AIG1: variants seen among roughly 807,000 people sequenced by gnomAD.
AIG1 encodes the protein androgen-induced gene 1 protein.
Under a neutral mutation model 31.4 loss-of-function variants are expected in AIG1, and 23 were observed. The ratio of observed to expected loss-of-function variants is 0.73; its 90% CI spans 0.53 to 1.04. The LOEUF is 1.04. Among genes scored for constraint, AIG1 ranks in the 50% least tolerant of loss-of-function variants. The probability of loss-of-function intolerance (pLI) is 0.00; values close to 1 mark genes in which losing one functional copy is unlikely to be tolerated. For synonymous variants in AIG1, 100 were observed against 110.5 expected, an observed-to-expected ratio of 0.90 and a Z score of 0.60; for missense variants, 274 against 295.0, an observed-to-expected ratio of 0.93 and a Z score of 0.52.
chr6:143,324,395 T>C (rs1006367994), intron 4 of AIG1, among the ~76,000 whole-genome samples: 2 of 152,228 alleles, frequency 1.3e-5, no homozygotes, highest in Non-Finnish European at 2.9e-5. Context: ...TGAATTACTT[T>C]TATAGTCAGT....
At chr6:143,302,616 A>G (rs1219514741) in intron 4 of AIG1, among the ~76,000 whole-genome samples, 171 of 152,126 alleles carry the variant, frequency 1.1e-3, no homozygotes, top group Non-Finnish European at 1.9e-3. Context: ...TCTTAATCCA[A>G]TCTATCATTG....
chr6:143,213,002 G>A (rs1791708871), intron 3 of AIG1, among the ~76,000 whole-genome samples: 1 of 152,148 alleles, frequency 6.6e-6, no homozygotes, highest in Non-Finnish European at 1.5e-5. Context: ...GACATCTCTG[G>A]ATCAACTTCT....
chr6:143,315,607 G>T (rs1389303234), intron 4 of AIG1, among the ~76,000 whole-genome samples: 1 of 152,076 alleles, frequency 6.6e-6, no homozygotes, highest in Non-Finnish European at 1.5e-5. Context: ...TGCAGCAATT[G>T]GAAGTCCATA....
At chr6:143,187,646 T>A (rs1389271722) in intron 3 of AIG1, 8 of 1,535,948 alleles carry the variant, frequency 5.2e-6, no homozygotes, top group Non-Finnish European at 7.0e-6. Flanking sequence ...AAGCTTAAAG[T>A]TTTCTTGGCA....
chr6:143,144,808 C>A (rs953415186), intron 2 of AIG1, among the ~76,000 whole-genome samples: 1 of 152,130 alleles, frequency 6.6e-6, no homozygotes, highest in Non-Finnish European at 1.5e-5. Flanking sequence ...TGTGTAGTGT[C>A]TATCTTCTCT....
chr6:143,107,275 A>C (rs1180006895), intron 1 of AIG1, among the ~76,000 whole-genome samples: 1 of 152,202 alleles, frequency 6.6e-6, no homozygotes. Context: ...AAATTACTTA[A>C]TTTTCACACA....
At chr6:143,194,446 C>G (rs889072726) in intron 3 of AIG1, among the ~76,000 whole-genome samples, 1 of 152,190 alleles carries the variant, frequency 6.6e-6, no homozygotes, top group Non-Finnish European at 1.5e-5. Context: ...GGTGGGGACA[C>G]AGAGCCAAAC....
rs548846023 is a variant in AIG1, at chr6:143,302,674, G to A, written c.515+18449G>A. ...AGTCTTTGCTATTGTGAATAGTGCC[G>A]CAATAAACATACGTGTGCATGTGTC... On this transcript the variant is annotated intron_variant, in intron 4 of 5. Coordinates refer to ENST00000357847, the MANE Select transcript of AIG1 (RefSeq NM_016108.4). Among the ~76,000 whole-genome samples the A allele has an allele frequency of 1.3e-4, 20 of 152,156 alleles. No homozygotes were observed. In the East Asian group the frequency reaches 1.4e-3, roughly 10 times the overall value.
chr6:143,113,047 G>A (rs973557140), intron 1 of AIG1, among the ~76,000 whole-genome samples: 6 of 152,030 alleles, frequency 3.9e-5, no homozygotes, highest in African/African-American at 1.4e-4. Flanking sequence ...TGCTGACTGG[G>A]CATGGTGGCT....
chr6:143,341,479 T>C (rs1224746427), downstream of AIG1, among the ~76,000 whole-genome samples: 1 of 152,164 alleles, frequency 6.6e-6, no homozygotes, highest in East Asian at 1.9e-4. Flanking sequence ...TAAGTTAAAA[T>C]GAGGCCATTA....
At chr6:143,073,189 T>G (rs570405743) in intron 1 of AIG1, among the ~76,000 whole-genome samples, 8 of 152,254 alleles carry the variant, frequency 5.3e-5, no homozygotes, top group Non-Finnish European at 7.3e-5. Context: ...GGCTCATTCA[T>G]GTTGTGACAA....
chr6:143,284,992 A>C lies in AIG1; in HGVS notation c.515+767A>C, dbSNP rs192715956. Among the ~76,000 whole-genome samples the C allele has an allele frequency of 1.4e-3, 220 of 152,228 alleles. No homozygotes were observed. Among genetic ancestry groups the C allele is most frequent in the African/African-American group, 4.9e-3 (202 of 41,536 alleles). On this transcript the variant is annotated intron_variant, in intron 4 of 5. Coordinates refer to ENST00000357847, the MANE Select transcript of AIG1 (RefSeq NM_016108.4). The surrounding 1 kb of genome is among the most constrained non-coding windows in gnomAD (Gnocchi z 4.4). The stretch of plus-strand genomic sequence containing the variant: ...CACAGAGGAGGTCCCTCCTGCCAGC[A>C]TTTCTGCCTCTTGGGACTCTTTTGT...
upstream of AIG1, chr6:143,060,577 C>A: frequency 2.6e-6 from 1 of 385,842 alleles, no homozygotes. Flanking sequence ...AGGTCGCATC[C>A]ACACCTGGGA....
At position 143,333,251 on chromosome 6, in the gene AIG1, T is replaced by C. The variant is rs747391586; in HGVS notation, c.516-31T>C. ...TGATGCCTGCCATAAGAGTGACTCC[T>C]GTCCTTGTCTCCTTTCCGATTCTTT... On this transcript the variant is annotated intron_variant, in intron 4 of 5. Coordinates refer to ENST00000357847, the MANE Select transcript of AIG1 (RefSeq NM_016108.4). This position sits in a 1 kb window ranked among gnomAD's most constrained non-coding sequence, Gnocchi z 4.6. The C allele has an allele frequency of 6.3e-7, 1 of 1,585,630 alleles. No individual in the cohort carries two copies. Among genetic ancestry groups the C allele is most frequent in the Non-Finnish European group, 8.6e-7 (1 of 1,166,214 alleles).
chr6:143,071,656 C>CGTGGTGGTGGTGGTGGTG (rs925359508), intron 1 of AIG1, among the ~76,000 whole-genome samples: 2 of 151,582 alleles, frequency 1.3e-5, no homozygotes, highest in South Asian at 2.1e-4. Flanking sequence ...GATATCTCAT[C>CGTGGTGGTGGTGGTGGTG]GTGGTGGTGG....
intron 3 of AIG1, among the ~76,000 whole-genome samples, chr6:143,180,796 C>T (rs1471598772): frequency 6.6e-6 from 1 of 151,902 alleles, no homozygotes; most frequent in Non-Finnish European, 1.5e-5. Flanking sequence ...AATAATAAAC[C>T]CCACCCCTCT....
intron 4 of AIG1, among the ~76,000 whole-genome samples, chr6:143,320,283 C>A (rs1358695364): frequency 6.6e-6 from 1 of 152,152 alleles, no homozygotes; most frequent in African/African-American, 2.4e-5. Context: ...TTAATTGGTG[C>A]AGCCATTATG....
intron 4 of AIG1, among the ~76,000 whole-genome samples, chr6:143,301,496 T>C (rs1165495602): frequency 6.6e-6 from 1 of 152,216 alleles, no homozygotes; most frequent in African/African-American, 2.4e-5. Context: ...GATGGAGTCA[T>C]TTATAAAGGA....
intron 1 of AIG1, among the ~76,000 whole-genome samples, chr6:143,103,164 G>A (rs1780457947): frequency 6.6e-6 from 1 of 152,298 alleles, no homozygotes; most frequent in East Asian, 1.9e-4. Context: ...GTAATACAAT[G>A]ACAAGTAACA....
Sources: gnomAD v4.1 joint callset for allele counts (sites outside exome capture counted in the v4.1 genomes callset) on GRCh38, gnomAD v4.1.1 for gene constraint, Gnocchi (gnomAD v3.1) non-coding constraint, MANE v1.5 for transcripts, NCBI Gene and HGNC (gene_info 2026-07-23, HGNC 2026-07-21) for gene names.